PCDH15: variants seen among roughly 807,000 people sequenced by gnomAD.
PCDH15 encodes the protein protocadherin-15.
A neutral mutation model predicts 178.5 loss-of-function variants in PCDH15; 129 were observed. The ratio of observed to expected loss-of-function variants is 0.72; its 90% CI spans 0.63 to 0.84. The LOEUF is 0.84. Ranked by LOEUF, PCDH15 falls within the 40% of genes least tolerant of loss-of-function variation. The probability of loss-of-function intolerance (pLI) is 0.00; values close to 1 mark genes in which losing one functional copy is unlikely to be tolerated. For missense variants in PCDH15, 2,230 were observed against 2,099.9 expected, an observed-to-expected ratio of 1.06 and a Z score of -1.21; for synonymous variants, 800 against 732.0, an observed-to-expected ratio of 1.09 and a Z score of -1.50.
chr10:54,620,887 T>C (rs1165241261), intron 2 of PCDH15, among the ~76,000 whole-genome samples: 1 of 152,018 alleles, frequency 6.6e-6, no homozygotes, highest in Non-Finnish European at 1.5e-5. Flanking sequence ...TAAAACACTC[T>C]ACCATGCTTT....
At chr10:54,569,165 A>G (rs1461121056) in intron 2 of PCDH15, among the ~76,000 whole-genome samples, 1 of 152,026 alleles carries the variant, frequency 6.6e-6, no homozygotes, top group Non-Finnish European at 1.5e-5. Context: ...TACAGAGTCA[A>G]TATATACTTG....
intron 2 of PCDH15, among the ~76,000 whole-genome samples, chr10:55,348,018 G>C (rs1384435281): frequency 6.6e-6 from 1 of 151,592 alleles, no homozygotes; most frequent in Non-Finnish European, 1.5e-5. Context: ...GATAATGTAG[G>C]GCAATTATTA....
intron 2 of PCDH15, among the ~76,000 whole-genome samples, chr10:55,383,298 C>CT (rs1041493912): frequency 1.3e-5 from 2 of 152,072 alleles, no homozygotes; most frequent in South Asian, 2.1e-4. Flanking sequence ...CGTTCAGCCA[C>CT]TTCTTCTCTT....
intron 9 of PCDH15, among the ~76,000 whole-genome samples, chr10:54,217,523 T>C (rs1288091085): frequency 1.3e-5 from 2 of 152,166 alleles, no homozygotes; most frequent in South Asian, 2.1e-4. Flanking sequence ...GCTGGATTCT[T>C]GGCAGGGGAT....
intron 2 of PCDH15, among the ~76,000 whole-genome samples, chr10:54,559,785 T>C (rs962267039): frequency 6.9e-6 from 1 of 145,638 alleles, no homozygotes; most frequent in Admixed American, 7.5e-5. Context: ...TAGAGATGAC[T>C]GGCTTAAATG....
chr10:54,810,143 AAATAAAT>A (rs1952840283), intron 3 of PCDH15, among the ~76,000 whole-genome samples: 1 of 152,176 alleles, frequency 6.6e-6, no homozygotes, highest in African/African-American at 2.4e-5. Flanking sequence ...CAATTTTCAA[AAATAAAT>A]AATAAACAGA....
chr10:54,562,109 A>T lies in PCDH15; in HGVS notation c.92-34232T>A, dbSNP rs894126071. Among the ~76,000 whole-genome samples, 11 of 148,310 alleles carry T rather than the reference A, an allele frequency of 7.4e-5. No individual in the cohort carries two copies. In the East Asian group the frequency reaches 2.2e-3, roughly 30 times the overall value. ...AAGTTCAAGGGATTCTCCTGCCTCA[A>T]CCTCCCAAGTAGCTGTGAATACAGG... On this transcript the variant is annotated intron_variant, in intron 2 of 37. Coordinates refer to ENST00000644397, the MANE Select transcript of PCDH15 (RefSeq NM_001384140.1).
intron 1 of PCDH15, among the ~76,000 whole-genome samples, chr10:55,267,480 T>C (rs1324404302): frequency 6.6e-6 from 1 of 152,222 alleles, no homozygotes; most frequent in East Asian, 1.9e-4. Flanking sequence ...ACTAGGATTA[T>C]AAAAACCAAT....
At chr10:54,074,812 T>C (rs182337263) in intron 17 of PCDH15, among the ~76,000 whole-genome samples, 43 of 152,304 alleles carry the variant, frequency 2.8e-4, no homozygotes, top group Non-Finnish European at 4.6e-4. Context: ...TTCTCACCAA[T>C]AGTGCACAAG....
intron 3 of PCDH15, among the ~76,000 whole-genome samples, chr10:54,842,496 A>T (rs1953437351): frequency 6.6e-6 from 1 of 151,904 alleles, no homozygotes; most frequent in Non-Finnish European, 1.5e-5. Context: ...AAATTCTATA[A>T]GGAAATCATC....
At chr10:53,953,571 A>C (rs1242271757) in intron 23 of PCDH15, among the ~76,000 whole-genome samples, 4 of 152,178 alleles carry the variant, frequency 2.6e-5, no homozygotes, top group African/African-American at 9.6e-5. Context: ...TTGAAAAAAA[A>C]AATCAAATCT....
intron 2 of PCDH15, among the ~76,000 whole-genome samples, chr10:54,643,744 A>G (rs1342234743): frequency 1.3e-5 from 2 of 150,704 alleles, no homozygotes; most frequent in Non-Finnish European, 3.0e-5. Context: ...ACATAAACAT[A>G]TAATACTAGA....
intron 2 of PCDH15, among the ~76,000 whole-genome samples, chr10:55,066,999 A>G (rs924594031): frequency 6.6e-6 from 1 of 151,996 alleles, no homozygotes; most frequent in African/African-American, 2.4e-5. Flanking sequence ...CATTCTATGC[A>G]TGTAATAAAC....
chr10:55,346,170 T>C (rs1028411870), intron 2 of PCDH15, among the ~76,000 whole-genome samples: 3 of 152,122 alleles, frequency 2.0e-5, no homozygotes, highest in East Asian at 1.9e-4. Context: ...TAAATACTTA[T>C]ATGGAAGAGG....
intron 2 of PCDH15, among the ~76,000 whole-genome samples, chr10:54,630,920 A>G (rs1228738677): frequency 6.6e-6 from 1 of 152,190 alleles, no homozygotes. Context: ...TACATCACTA[A>G]GTATCAGAGA....
At chr10:54,298,275 AG>A (rs1243492416) in intron 8 of PCDH15, among the ~76,000 whole-genome samples, 2 of 152,200 alleles carry the variant, frequency 1.3e-5, no homozygotes, top group Non-Finnish European at 2.9e-5. Context: ...AGATATCAAA[AG>A]AAAGCTCCAA....
intron 26 of PCDH15, among the ~76,000 whole-genome samples, chr10:53,894,842 T>C (rs572188972): frequency 1.3e-4 from 20 of 152,292 alleles, no homozygotes; most frequent in Non-Finnish European, 2.9e-5. Context: ...TGATGGAGCA[T>C]AAAGTCTCAC....
intron 18 of PCDH15, among the ~76,000 whole-genome samples, chr10:54,066,140 C>T (rs144587395): frequency 3.3e-5 from 5 of 152,258 alleles, no homozygotes; most frequent in African/African-American, 1.2e-4. Flanking sequence ...TTCTTTGTGA[C>T]TTCTAGACCA....
rs1309072938 is a variant in PCDH15, at chr10:54,295,980, T to TA, written c.876+21290dup. ...TAAAATGGTGAAACCCCGTCTCTAC[T>TA]AAAAAATACAAAAAATTAGCCGGGC... On this transcript the variant is annotated intron_variant, in intron 8 of 37. Coordinates refer to ENST00000644397, the MANE Select transcript of PCDH15 (RefSeq NM_001384140.1). 1.6e-3 allele frequency among the ~76,000 whole-genome samples: 235 copies of TA among 149,760 alleles called. 4 individuals are homozygous for TA. The highest frequency in any genetic ancestry group is 9.9e-4 in the East Asian group (5 of 5,038).
Sources: allele counts gnomAD v4.1 joint callset (sites outside exome capture counted in the v4.1 genomes callset), GRCh38; gene constraint gnomAD v4.1.1; transcripts MANE v1.5; gene names NCBI Gene and HGNC (gene_info 2026-07-23, HGNC 2026-07-21).